The following ZNF318 variants were observed in gnomAD, a reference collection of about 807,000 sequenced individuals.
ZNF318 encodes the protein zinc finger protein 318, also known as endocrine regulator.
Under a neutral mutation model 124.2 loss-of-function variants are expected in ZNF318, and 51 were observed. The ratio of observed to expected loss-of-function variants is 0.41; its 90% CI spans 0.33 to 0.52. The LOEUF is 0.52. ZNF318 is among the 20% of genes least tolerant of loss of function. ZNF318 has a pLI of 0.23. For synonymous variants in ZNF318, 1,090 were observed against 1,040.7 expected (o/e 1.05, Z -0.91); for missense variants, 2,815 against 2,811.2 (o/e 1.00, Z -0.03).
At position 43,355,779 on chromosome 6, in the gene ZNF318, T is replaced by C. The variant is rs188093954; in HGVS notation, c.1555A>G (p.Ser519Gly). 1 of 1,614,098 alleles carries C rather than the reference T, an allele frequency of 6.2e-7. No homozygotes were observed. Among genetic ancestry groups the C allele is most frequent in the East Asian group, 2.2e-5 (1 of 44,906 alleles). The part of the protein sequence containing the change: ...RILSMLADST[S>G]TQEKRRRSFP... ...CTACGTCGCCTTTTTTCCTGTGTAC[T>C]GGTAGAATCAGCCAACATGCTCAGA... The change falls in exon 4 of 10, where the codon AGT becomes GGT. Residue 519 changes from serine to glycine, a missense_variant. This residue lies in a region of ZNF318 where 1,377 missense variants were observed against 1,353.5 expected (regional missense o/e 1.02). Transcript: ENST00000361428.
In ZNF318 at chr6:43,338,605, C is replaced by T. The variant is rs1382138998; in HGVS notation, c.5393G>A (p.Ser1798Asn). 6.2e-7 allele frequency: 1 copy of T among 1,614,124 alleles called. No homozygotes were observed. The highest frequency in any genetic ancestry group is 1.7e-5 in the Admixed American group (1 of 60,014). Reference sequence around the variant, plus strand: ...TATGCTGTGGGGTCCAATGCTGGTACTTACTCCCTCATCAACTATCCCCTC... The same window carrying T: ...TATGCTGTGGGGTCCAATGCTGGTATTTACTCCCTCATCAACTATCCCCTC... ...LSEGIVDEGVSTSIGPHSIDD... is the reference protein window; with the variant it reads ...LSEGIVDEGVNTSIGPHSIDD... The change falls in exon 10 of 10, where the codon AGT becomes AAT. Residue 1798 changes from serine to asparagine, a missense_variant. Coordinates refer to ENST00000361428, the MANE Select transcript of ZNF318 (RefSeq NM_014345.3).
In ZNF318 at chr6:43,354,776, C is replaced by T. The variant is rs150136881; in HGVS notation, c.2558G>A (p.Arg853Gln). The stretch of plus-strand genomic sequence containing the variant: ...CACTTGGGCCGCAGGAATTGAGCCT[C>T]GCAGAGACTCTTTCTGCTTAGGCTT... ...PDKPKQKESL[R>Q]GSIPAAQVPV... Residue 853 changes from arginine (R) to glutamine (Q), a missense_variant, in exon 4 of 10, where the codon CGA (arginine) becomes CAA (glutamine). Arg to Gln is a conservative substitution (Grantham distance 43). Transcript: ENST00000361428. The T allele has an allele frequency of 5.0e-6, 8 of 1,614,062 alleles. No individual in the cohort carries two copies. The Admixed American group carries it at 5.0e-5, about 10-fold the overall frequency.
rs1202714954 is a variant in ZNF318, at chr6:43,342,830, G to A, written c.3122C>T (p.Ala1041Val). Residue 1041 changes from alanine to valine, a missense_variant, in exon 7 of 10, where the codon GCC becomes GTC. Coordinates refer to ENST00000361428, the MANE Select transcript of ZNF318 (RefSeq NM_014345.3). ...EKFRTKSPKP[A>V]ESPQSATKQL... ...CTTAGTGGCTGACTGGGGGCTTTCG[G>A]CAGGCTTGGGGCTCTTAGTACGAAA... is the stretch of plus-strand genomic sequence containing the variant. 1.2e-6 allele frequency: 2 copies of A among 1,613,976 alleles called. No individual in the cohort carries two copies. The highest frequency in any genetic ancestry group is 2.2e-5 in the East Asian group (1 of 44,898).
intron 4 of ZNF318, among the ~76,000 whole-genome samples, chr6:43,352,846 G>A (rs747615337): frequency 2.6e-5 from 4 of 152,124 alleles, no homozygotes; most frequent in Non-Finnish European, 5.9e-5. Context: ...TGCAAACCAG[G>A]GATAACCCAT....
At chr6:43,361,278 C>T (rs1364781622) in intron 2 of ZNF318, among the ~76,000 whole-genome samples, 1 of 152,098 alleles carries the variant, frequency 6.6e-6, no homozygotes, top group Non-Finnish European at 1.5e-5. Flanking sequence ...AGAAATTAGG[C>T]GATAAGCTGG....
At chr6:43,368,451 C>T (rs940772470) in intron 1 of ZNF318, among the ~76,000 whole-genome samples, 1 of 152,230 alleles carries the variant, frequency 6.6e-6, no homozygotes, top group Admixed American at 6.5e-5. Context: ...GTCCTGCACA[C>T]TTCATTCCGA....
In ZNF318 at chr6:43,337,304, G is replaced by A. The variant is rs780375130; in HGVS notation, c.6694C>T (p.Pro2232Ser). 4 of 1,614,082 alleles carry A rather than the reference G, an allele frequency of 2.5e-6. No homozygotes were observed. The highest frequency in any genetic ancestry group is 1.7e-5 in the Admixed American group (1 of 60,014). The change falls in exon 10 of 10, where the codon CCT (proline) becomes TCT (serine). Residue 2232 changes from proline to serine, a missense_variant. Physicochemically the swap from Pro to Ser is moderately conservative, Grantham distance 74. This residue lies in a region of ZNF318 where 927 missense variants were observed against 820.6 expected (regional missense o/e 1.13). Coordinates refer to ENST00000361428, the MANE Select transcript of ZNF318 (RefSeq NM_014345.3). ...ACTGGAGCTTTAACCAAATTCAGAG[G>A]GTCGCCACTGTCATCATCTACTTGC... Reference protein sequence around the residue: ...ILQVDDDSGDPLNLVKAPVSR... With the variant: ...ILQVDDDSGDSLNLVKAPVSR...
rs1201898288 is a variant in ZNF318, at chr6:43,369,031, C to G, written c.335G>C (p.Gly112Ala). 8 of 1,426,280 alleles carry G rather than the reference C, an allele frequency of 5.6e-6. No individual in the cohort carries two copies. Among genetic ancestry groups the G allele is most frequent in the Non-Finnish European group, 7.4e-6 (8 of 1,087,844 alleles). 88.4% of individuals were successfully genotyped at this position (1,426,280 alleles called of 1,614,324 possible). ...GPAGFRGSSR[G>A]ESRADYARDG... ...CCGGGCATAGTCGGCGCGGGACTCC[C>G]CCCGGCTGCTGCCTCTGAAGCCGGC... is the stretch of plus-strand genomic sequence containing the variant. Residue 112 changes from glycine (G) to alanine (A), a missense_variant, in exon 1 of 10, where the codon GGG (glycine) becomes GCG (alanine). Physicochemically the swap from Gly to Ala is moderately conservative, Grantham distance 60. This residue lies in a region of ZNF318 where 1,377 missense variants were observed against 1,353.5 expected (regional missense o/e 1.02). Transcript: ENST00000361428.
rs1779604027 is a variant in ZNF318 at position 43,356,002 on chromosome 6, C to G, written c.1332G>C (p.Lys444Asn). 6.2e-7 allele frequency: 1 copy of G among 1,614,172 alleles called. No individual in the cohort carries two copies. The highest frequency in any genetic ancestry group is 8.5e-7 in the Non-Finnish European group (1 of 1,180,032). Reference protein sequence around the residue: ...NKGTMVETALKEPQGNLYQWG... With the variant: ...NKGTMVETALNEPQGNLYQWG... The stretch of plus-strand genomic sequence containing the variant: ...ATTGGTAGAGGTTGCCCTGAGGTTC[C>G]TTCAAGGCAGTCTCTACCATAGTCC... The change falls in exon 4 of 10, where the codon AAG (lysine) becomes AAC (asparagine). Residue 444 changes from lysine (K) to asparagine (N), a missense_variant. This residue lies in a region of ZNF318 where 1,377 missense variants were observed against 1,353.5 expected (regional missense o/e 1.02). Coordinates refer to ENST00000361428, the MANE Select transcript of ZNF318 (RefSeq NM_014345.3).
rs770688453 is a variant in ZNF318 at position 43,339,078 on chromosome 6, G to T, written c.4920C>A (p.Ser1640Arg). 4 of 1,614,054 alleles carry T rather than the reference G, an allele frequency of 2.5e-6. No homozygotes were observed. The highest frequency in any genetic ancestry group is 3.4e-6 in the Non-Finnish European group (4 of 1,180,034). The change falls in exon 10 of 10, where the codon AGC (serine) becomes AGA (arginine). Residue 1640 changes from serine to arginine, a missense_variant. Ser to Arg is a moderately radical substitution (Grantham distance 110, BLOSUM62 -1). Coordinates refer to ENST00000361428, the MANE Select transcript of ZNF318 (RefSeq NM_014345.3). The surrounding 1 kb of genome is among the most constrained non-coding windows in gnomAD (Gnocchi z 4.2). ...DEGLVAAPIV[S>R]NSEKPIAKTL... ...TTTTTGCAATGGGCTTTTCAGAGTT[G>T]CTAACTATAGGAGCAGCGACCAAAC...
chr6:43,344,487 G>C (rs1057344064), intron 6 of ZNF318, among the ~76,000 whole-genome samples: 2 of 152,178 alleles, frequency 1.3e-5, no homozygotes, highest in African/African-American at 4.8e-5. Context: ...GACATGGAAA[G>C]ATGTTCATGA....
chr6:43,368,271 C>T (rs532393220), intron 1 of ZNF318, among the ~76,000 whole-genome samples: 93 of 152,262 alleles, frequency 6.1e-4, no homozygotes, highest in Admixed American at 1.9e-3. Context: ...TCACCTCAGT[C>T]GAGTTACTTG....
At chr6:43,342,649 G>C (rs1325924292) in intron 7 of ZNF318, 27 bp downstream of exon 7, 2 of 1,610,334 alleles carry the variant, frequency 1.2e-6, no homozygotes, top group East Asian at 2.2e-5. Context: ...GGGTGGGAGT[G>C]AAAATAACAG....
At chr6:43,342,970 T>C in intron 6 of ZNF318, 91 bp from the exon 7 acceptor site, 577 of 658,388 alleles carry the variant, frequency 8.8e-4, no homozygotes, top group Non-Finnish European at 1.3e-3. Flanking sequence ...ATAATAGAAA[T>C]AGGGCCATAT....
rs758717912 is a variant in ZNF318 at position 43,356,034 on chromosome 6, T to C, written c.1300A>G (p.Asn434Asp). 1.2e-5 allele frequency: 19 copies of C among 1,614,072 alleles called. No individual in the cohort carries two copies. Among genetic ancestry groups the C allele is most frequent in the Non-Finnish European group, 1.5e-5 (18 of 1,180,034 alleles). The change falls in exon 4 of 10, where the codon AAC (asparagine) becomes GAC (aspartate). Residue 434 changes from asparagine to aspartate, a missense_variant. Transcript: ENST00000361428. ...GCAGTCTCTACCATAGTCCCCTTGT[T>C]TTCAATCTCTGAGGCAAAAGCAGCA... ...AIAAFASEIE[N>D]KGTMVETALK...
chr6:43,351,106 T>C (rs1305200851), intron 5 of ZNF318, among the ~76,000 whole-genome samples: 2 of 152,128 alleles, frequency 1.3e-5, no homozygotes, highest in Non-Finnish European at 2.9e-5. Flanking sequence ...TCGCCAAAAA[T>C]GAATAACCTG....
Position 43,339,975 on chromosome 6 carries a change from T to C in ZNF318, c.4023A>G (p.Thr1341=), listed in dbSNP as rs761964290. Residue 1341 remains threonine (T), a synonymous_variant, in exon 10 of 10, where the codon ACA becomes ACG. Coordinates refer to ENST00000361428, the MANE Select transcript of ZNF318 (RefSeq NM_014345.3). This position sits in a 1 kb window ranked among gnomAD's most constrained non-coding sequence, Gnocchi z 4.2. The part of the protein sequence containing the change: ...AHTSPWMPVV[T]TSTQTKIRPN... Reference sequence around the variant, plus strand: ...GTCGGATCTTAGTCTGTGTGGAAGTTGTCACAACAGGCATCCAAGGGCTGG... The same window carrying C: ...GTCGGATCTTAGTCTGTGTGGAAGTCGTCACAACAGGCATCCAAGGGCTGG... The C allele has an allele frequency of 1.2e-6, 2 of 1,614,180 alleles. No homozygotes were observed. The highest frequency in any genetic ancestry group is 8.5e-7 in the Non-Finnish European group (1 of 1,180,028).
chr6:43,344,067 T>C (rs1045223582), intron 6 of ZNF318, among the ~76,000 whole-genome samples: 1 of 152,090 alleles, frequency 6.6e-6, no homozygotes, highest in Non-Finnish European at 1.5e-5. Context: ...GGTTCTATAG[T>C]ACACAAGATG....
chr6:43,353,620 C>T (rs375331597), intron 4 of ZNF318, among the ~76,000 whole-genome samples: 4 of 152,090 alleles, frequency 2.6e-5, no homozygotes, highest in Admixed American at 1.3e-4. Flanking sequence ...GTGATCCACC[C>T]GCCTCAGCCT....
Sources: gnomAD v4.1 joint callset for allele counts (sites outside exome capture counted in the v4.1 genomes callset) on GRCh38, gnomAD v4.1.1 for gene constraint, gnomAD v4.1.1 regional missense constraint, Gnocchi (gnomAD v3.1) non-coding constraint, MANE v1.5 for transcripts, NCBI Gene and HGNC (gene_info 2026-07-23, HGNC 2026-07-21) for gene names.